DNAH14: variants seen among roughly 807,000 people sequenced by gnomAD.
DNAH14 encodes dynein axonemal heavy chain 14.
A neutral mutation model predicts 520.9 loss-of-function variants in DNAH14; 478 were observed. The ratio of observed to expected loss-of-function variants is 0.92; its 90% confidence interval spans 0.85 to 0.99. The LOEUF (loss-of-function observed/expected upper bound fraction) is 0.99. DNAH14 is among the 50% of genes least tolerant of loss of function. The probability of loss-of-function intolerance (pLI) is 0.00; values close to 1 mark genes in which losing one functional copy is unlikely to be tolerated. For synonymous variants in DNAH14, 1,581 were observed against 1,757.2 expected (o/e 0.90, Z 2.51); for missense variants, 4,831 against 5,234.5 (o/e 0.92, Z 2.38).
chr1:224,959,048 A>T (rs1295395555), intron 3 of DNAH14, among the ~76,000 whole-genome samples: 2 of 152,110 alleles, frequency 1.3e-5, no homozygotes, highest in Non-Finnish European at 2.9e-5. Context: ...GGAGTGTGGG[A>T]ATATAAACAG....
intron 17 of DNAH14, among the ~76,000 whole-genome samples, chr1:225,066,668 A>T (rs77889616): frequency 0.039 from 5,905 of 151,588 alleles, 166 homozygotes; most frequent in Non-Finnish European, 0.06. Flanking sequence ...TTCCCACCTG[A>T]GTCCCAAAGT....
At chr1:225,348,229 G>C (rs2095315312) in intron 71 of DNAH14, among the ~76,000 whole-genome samples, 1 of 151,980 alleles carries the variant, frequency 6.6e-6, no homozygotes. Flanking sequence ...GAGACTTATA[G>C]GATGCTGTTA....
At chr1:225,094,668 A>C (rs1421279323) in intron 21 of DNAH14, among the ~76,000 whole-genome samples, 9 of 100,194 alleles carry the variant, frequency 9.0e-5, no homozygotes, top group Admixed American at 1.1e-4. Flanking sequence ...AAAAAAAAAA[A>C]AAAAAAAAAA....
intron 49 of DNAH14, among the ~76,000 whole-genome samples, chr1:225,270,160 A>C (rs1574421718): frequency 6.6e-6 from 1 of 152,182 alleles, no homozygotes; most frequent in Admixed American, 6.5e-5. Flanking sequence ...GGATGAGCTC[A>C]TGTCCTTTGT....
At position 225,272,012 on chromosome 1, in the gene DNAH14, A is replaced by G. The variant is rs1558224296; in HGVS notation, c.7778A>G (p.Gln2593Arg). The G allele has an allele frequency of 6.4e-7, 1 of 1,550,934 alleles. No individual in the cohort carries two copies. The highest frequency in any genetic ancestry group is 8.7e-7 in the Non-Finnish European group (1 of 1,146,638). ...CSLAIYHQVR[Q>R]NMLPTPTKCH... ...CTAGCTATATACCATCAAGTACGTC[A>G]GAATATGTTACCAACTCCAACAAAA... is the stretch of plus-strand genomic sequence containing the variant. Residue 2593 changes from glutamine (Q) to arginine (R), a missense_variant, in exon 51 of 86, where the codon CAG (glutamine) becomes CGG (arginine). Physicochemically the swap from Gln to Arg is conservative, Grantham distance 43. Coordinates refer to ENST00000682510, the MANE Select transcript of DNAH14 (RefSeq NM_001367479.1).
chr1:225,245,228 T>C (rs1182868776), intron 43 of DNAH14, among the ~76,000 whole-genome samples: 1 of 152,198 alleles, frequency 6.6e-6, no homozygotes, highest in African/African-American at 2.4e-5. Flanking sequence ...TGATTTCCTT[T>C]CTTTTGCATT....
chr1:224,942,716 G>T (rs939230330), intron 1 of DNAH14, among the ~76,000 whole-genome samples: 3 of 149,134 alleles, frequency 2.0e-5, no homozygotes, highest in Non-Finnish European at 4.4e-5. Context: ...TAGCATGAAG[G>T]GTTGTTGAAT....
chr1:225,273,520 A>G (rs1574444445), intron 52 of DNAH14, among the ~76,000 whole-genome samples: 1 of 152,358 alleles, frequency 6.6e-6, no homozygotes, highest in East Asian at 1.9e-4. Flanking sequence ...AAATTTATAT[A>G]ATACTGAAAG....
chr1:225,367,775 C>G, intron 76 of DNAH14, 30 bp from the exon 77 acceptor site: 2 of 1,494,168 alleles, frequency 1.3e-6, no homozygotes, highest in Non-Finnish European at 1.8e-6. Flanking sequence ...TCTGTCCTCA[C>G]ATGCCATTTT....
chr1:224,938,249 GA>G lies in DNAH14; in HGVS notation c.-34+8416del, dbSNP rs2059167560. ...CAGCAAAAGAAACAATCAACAGAGT[GA>G]ATAGACAATCTACAGAAAGGGAGAA... is the stretch of plus-strand genomic sequence containing the variant. On this transcript the variant is annotated intron_variant, in intron 1 of 85. Transcript: ENST00000682510. 2.0e-5 allele frequency among the ~76,000 whole-genome samples: 3 copies of G among 152,106 alleles called. No individual in the cohort carries two copies. In the South Asian group the frequency reaches 6.2e-4, roughly 32 times the overall value.
intron 43 of DNAH14, among the ~76,000 whole-genome samples, chr1:225,249,537 C>G (rs145852274): frequency 6.6e-6 from 1 of 152,112 alleles, no homozygotes; most frequent in African/African-American, 2.4e-5. Context: ...AGATGGTGGC[C>G]CAGGGAAGGG....
rs746487527 is a variant in DNAH14 at position 225,081,484 on chromosome 1, T to C, written c.3136+736T>C. 6.2e-4 allele frequency among the ~76,000 whole-genome samples: 95 copies of C among 152,358 alleles called. No individual in the cohort carries two copies. In the Middle Eastern group the frequency reaches 0.01, roughly 16 times the overall value. The stretch of plus-strand genomic sequence containing the variant: ...TGCATCCCCTCTCAATATTTTGTTA[T>C]ATACGTGCTTCGGAGAACAGTAAAG... On this transcript the variant is annotated intron_variant, in intron 19 of 85. Coordinates refer to ENST00000682510, the MANE Select transcript of DNAH14 (RefSeq NM_001367479.1).
At chr1:225,023,212 A>G (rs2065847829) in intron 10 of DNAH14, among the ~76,000 whole-genome samples, 1 of 152,180 alleles carries the variant, frequency 6.6e-6, no homozygotes. Flanking sequence ...CCGTGTAACA[A>G]ACCTGCATAT....
intron 71 of DNAH14, among the ~76,000 whole-genome samples, chr1:225,347,361 G>A (rs1215822652): frequency 1.3e-5 from 2 of 152,128 alleles, no homozygotes; most frequent in African/African-American, 2.4e-5. Flanking sequence ...CCAGTGAAAG[G>A]GGTAGGAAAT....
chr1:225,306,395 G>T (rs74658987), intron 58 of DNAH14, among the ~76,000 whole-genome samples: 4,885 of 152,270 alleles, frequency 0.032, 120 homozygotes, highest in South Asian at 0.047. Context: ...GATCCTAGGA[G>T]GTTTCTGAGA....
At position 225,185,323 on chromosome 1, in the gene DNAH14, A is replaced by G; in HGVS notation, c.5568A>G (p.Thr1856=). 1 of 1,546,914 alleles carries G rather than the reference A, an allele frequency of 6.5e-7. No homozygotes were observed. The highest frequency in any genetic ancestry group is 8.7e-7 in the Non-Finnish European group (1 of 1,145,200). The change falls in exon 37 of 86, where the codon ACA becomes ACG. Residue 1856 remains threonine (T), a synonymous_variant. Transcript: ENST00000682510. ...VCVGVMLVGP[T]GGGKTTVRRI... Reference sequence around the variant, plus strand: ...TTGGTGTGATGTTAGTGGGCCCAACAGGTGGAGGAAAGACAACAGTCAGAA... The same window carrying G: ...TTGGTGTGATGTTAGTGGGCCCAACGGGTGGAGGAAAGACAACAGTCAGAA...
rs531297074 is a variant in DNAH14 at position 225,244,443 on chromosome 1, G to A, written c.6748+3621G>A. On this transcript the variant is annotated intron_variant, in intron 43 of 85. Coordinates refer to ENST00000682510, the MANE Select transcript of DNAH14 (RefSeq NM_001367479.1). ...GAAGGAATAGTACCAGCTCCTCTTT[G>A]TACCTCTGGTAGAATTTGGATGTGA... Among the ~76,000 whole-genome samples the A allele has an allele frequency of 1.3e-5, 2 of 152,266 alleles. 1 individual carries two copies. The highest frequency in any genetic ancestry group is 4.8e-5 in the African/African-American group (2 of 41,554).
intron 46 of DNAH14, among the ~76,000 whole-genome samples, 175 bp from the exon 47 acceptor site, chr1:225,264,022 G>C (rs1036372686): frequency 1.4e-4 from 22 of 152,012 alleles, no homozygotes; most frequent in Admixed American, 1.3e-3. Flanking sequence ...GTTCAGTTTG[G>C]TATAAGTTCT....
At chr1:225,106,807 T>TC (rs1403348951) in intron 23 of DNAH14, among the ~76,000 whole-genome samples, 3 of 152,172 alleles carry the variant, frequency 2.0e-5, no homozygotes, top group African/African-American at 4.8e-5. Context: ...GTTTTTAACT[T>TC]CTTTGCCATT....
Sources: gnomAD v4.1 joint callset for allele counts (sites outside exome capture counted in the v4.1 genomes callset) on GRCh38, gnomAD v4.1.1 for gene constraint, MANE v1.5 for transcripts, NCBI Gene and HGNC (gene_info 2026-07-23, HGNC 2026-07-21) for gene names.